FER: variants seen among roughly 807,000 people sequenced by gnomAD.
FER encodes the protein tyrosine-protein kinase Fer.
In FER, 63 loss-of-function variants were observed where a neutral mutation model predicts 111.0. The ratio of observed to expected loss-of-function variants is 0.57; its 90% confidence interval spans 0.46 to 0.70. The LOEUF (loss-of-function observed/expected upper bound fraction) is 0.70, where lower values mean the gene tolerates loss of function less well. Among genes scored for constraint, FER ranks in the 30% least tolerant of loss-of-function variants. The pLI, the probability that FER is intolerant of heterozygous loss-of-function variation, is 0.00. For synonymous variants in FER, 327 were observed against 313.9 expected (o/e 1.04, Z -0.44); for missense variants, 914 against 954.0 (o/e 0.96, Z 0.55).
At position 109,190,741 on chromosome 5, in the gene FER, C is replaced by G. The variant is rs147627281; in HGVS notation, c.*3166C>G. ...TGAAAGGTCTCATGTAATTGTTTCTCTTTTATCTCCCAAATTTAATGTGGG... is the reference window on the plus strand; with the variant it reads ...TGAAAGGTCTCATGTAATTGTTTCTGTTTTATCTCCCAAATTTAATGTGGG... On this transcript the variant is annotated 3_prime_UTR_variant, in exon 20 of 20. Transcript: ENST00000281092. The G allele has an allele frequency of 4.6e-5, 7 of 152,234 alleles. No homozygotes were observed. The highest frequency in any genetic ancestry group is 1.0e-4 in the Non-Finnish European group (7 of 67,982). 9.4% of individuals were successfully genotyped at this position (152,234 alleles called of 1,614,324 possible). A position where few individuals can be genotyped will look rare whatever the true frequency, so the allele number is the denominator to read the frequency against.
chr5:109,051,339 C>T, intron 16 of FER: 3 of 1,606,130 alleles, frequency 1.9e-6, no homozygotes, highest in Non-Finnish European at 2.6e-6. Context: ...CAGGCTGAGG[C>T]CTGCTGCTGG....
At chr5:109,148,219 C>G (rs1421526602) in intron 17 of FER, among the ~76,000 whole-genome samples, 1 of 151,950 alleles carries the variant, frequency 6.6e-6, no homozygotes, top group Non-Finnish European at 1.5e-5. Flanking sequence ...AGCTCTAAAG[C>G]CTAAATGTAT....
chr5:108,942,475 G>A (rs1756408047), intron 10 of FER, among the ~76,000 whole-genome samples: 1 of 152,182 alleles, frequency 6.6e-6, no homozygotes, highest in South Asian at 2.1e-4. Flanking sequence ...TAATATGCAA[G>A]CATCAAAGAG....
rs573971646 is a variant in FER, at chr5:109,179,616, A to AT, written c.2049-1121dup. On this transcript the variant is annotated intron_variant, in intron 17 of 19. Coordinates refer to ENST00000281092, the MANE Select transcript of FER (RefSeq NM_005246.4). The stretch of plus-strand genomic sequence containing the variant: ...CATCTGTGGATTCAACCATCCAGAG[A>AT]TTTTTTTTTTAAAATGGATAGTTGT... 2.4e-3 allele frequency among the ~76,000 whole-genome samples: 355 copies of AT among 150,874 alleles called. 1 individual carries two copies. Among genetic ancestry groups the AT allele is most frequent in the African/African-American group, 7.8e-3 (323 of 41,198 alleles).
intron 2 of FER, chr5:108,785,273 G>C: frequency 1.8e-6 from 1 of 550,762 alleles, no homozygotes; most frequent in Non-Finnish European, 3.5e-6. Flanking sequence ...TCTCAACGAA[G>C]GCAAACACCT....
At chr5:108,783,845 C>T (rs1754366509) in intron 2 of FER, among the ~76,000 whole-genome samples, 1 of 152,060 alleles carries the variant, frequency 6.6e-6, no homozygotes, top group East Asian at 1.9e-4. Context: ...CTCCCTGCTA[C>T]CCTGATGTCT....
At chr5:109,160,640 T>C (rs1755889405) in intron 17 of FER, among the ~76,000 whole-genome samples, 1 of 152,180 alleles carries the variant, frequency 6.6e-6, no homozygotes, top group Non-Finnish European at 1.5e-5. Context: ...TACTGTTGCC[T>C]TTAATTTTGT....
intron 13 of FER, among the ~76,000 whole-genome samples, chr5:108,962,830 C>G (rs898597741): frequency 1.3e-5 from 2 of 151,904 alleles, no homozygotes; most frequent in Admixed American, 6.6e-5. Context: ...AATGAATTCC[C>G]CAAGAAAACA....
intron 17 of FER, among the ~76,000 whole-genome samples, chr5:109,134,433 T>C (rs1270214441): frequency 6.6e-6 from 1 of 152,226 alleles, no homozygotes; most frequent in Admixed American, 6.5e-5. Context: ...CTTAAGGTTT[T>C]TCTTTGTCAT....
chr5:108,980,113 A>G (rs1761860365), intron 13 of FER, among the ~76,000 whole-genome samples: 1 of 152,166 alleles, frequency 6.6e-6, no homozygotes, highest in Non-Finnish European at 1.5e-5. Context: ...ACAGAAACAA[A>G]TCCTTGAAAC....
chr5:109,139,281 G>A (rs932886083), intron 17 of FER, among the ~76,000 whole-genome samples: 8 of 151,224 alleles, frequency 5.3e-5, no homozygotes, highest in Non-Finnish European at 7.4e-5. Flanking sequence ...CAACCCTGCA[G>A]AAGATTCCCA....
Position 108,867,903 on chromosome 5 carries a change from G to C in FER, c.618G>C (p.Leu206=). The C allele has an allele frequency of 6.2e-7, 1 of 1,612,784 alleles. No homozygotes were observed. The highest frequency in any genetic ancestry group is 2.2e-5 in the East Asian group (1 of 44,840). The stretch of plus-strand genomic sequence containing the variant: ...AGTATTATGATATCACACTTCCCCT[G>C]CTTCTGGACTCCTTACAAAAGATGC... The part of the protein sequence containing the change: ...QNQYYDITLP[L]LLDSLQKMQE... Residue 206 remains leucine (L), a synonymous_variant, in exon 6 of 20, where the codon CTG becomes CTC. Transcript: ENST00000281092.
At chr5:108,772,687 GTTGCATTAAGT>G (rs1314939543) in intron 2 of FER, among the ~76,000 whole-genome samples, 1 of 151,940 alleles carries the variant, frequency 6.6e-6, no homozygotes, top group Non-Finnish European at 1.5e-5. Context: ...TTTACATTTG[GTTGCATTAAGT>G]TAAAGATAAG....
chr5:109,104,251 A>G (rs1468437918), intron 17 of FER, among the ~76,000 whole-genome samples: 2 of 152,224 alleles, frequency 1.3e-5, no homozygotes, highest in African/African-American at 4.8e-5. Flanking sequence ...AGTTTTGCTT[A>G]TGCATTGAAG....
At chr5:108,925,511 A>G (rs920961898) in intron 10 of FER, among the ~76,000 whole-genome samples, 3 of 152,220 alleles carry the variant, frequency 2.0e-5, no homozygotes, top group African/African-American at 7.2e-5. Flanking sequence ...TTGGTGAAGA[A>G]TTATATTTAT....
rs2229086 is a variant in FER, at chr5:108,946,208, C to G, written c.1315C>G (p.Leu439Val). Residue 439 changes from leucine to valine, a missense_variant, in exon 11 of 20, where the codon CTG becomes GTG. By Grantham distance (32) the Leu-to-Val change is conservative. This residue lies in a region of FER where 774 missense variants were observed against 782.6 expected (regional missense o/e 0.99). Transcript: ENST00000281092. ...AATAATTAGGTCTCCAAAATCTGCA[C>G]TGGGCTCTTCAGCAGTAAGTAGGAT... ...AGIIRSPKSA[L>V]GSSALSDMIS... The G allele has an allele frequency of 0.058, 92,641 of 1,610,328 alleles. 3,241 individuals are homozygous for G. The highest frequency in any genetic ancestry group is 0.11 in the South Asian group (9,638 of 90,980).
chr5:108,903,944 A>T (rs1750390899), intron 10 of FER, among the ~76,000 whole-genome samples: 1 of 152,248 alleles, frequency 6.6e-6, no homozygotes, highest in Non-Finnish European at 1.5e-5. Flanking sequence ...ACACAAGTGT[A>T]AATGATATGC....
At chr5:108,790,975 A>G (rs753464231) in intron 2 of FER, among the ~76,000 whole-genome samples, 8 of 152,194 alleles carry the variant, frequency 5.3e-5, no homozygotes, top group Admixed American at 2.6e-4. Flanking sequence ...GCCTGTATCA[A>G]TACTTCCTTT....
intron 13 of FER, among the ~76,000 whole-genome samples, chr5:109,002,371 G>A (rs1256965409): frequency 1.3e-5 from 2 of 151,590 alleles, no homozygotes; most frequent in Middle Eastern, 3.4e-3. Context: ...AAGCAATGGG[G>A]AAAGGATTCC....
Sources: allele counts gnomAD v4.1 joint callset (sites outside exome capture counted in the v4.1 genomes callset), GRCh38; gene constraint gnomAD v4.1.1; regional missense constraint gnomAD v4.1.1; transcripts MANE v1.5; gene names NCBI Gene and HGNC (gene_info 2026-07-23, HGNC 2026-07-21).